The following PDZD2 variants were observed in gnomAD, a reference collection of about 807,000 sequenced individuals.
The protein encoded by PDZD2 is PDZ domain containing 2, also known as PDZ domain-containing protein 2.
In PDZD2, 90 loss-of-function variants were observed where a neutral mutation model predicts 220.7. That is an observed-to-expected ratio of 0.41 (90% CI 0.34 to 0.49). The LOEUF is 0.49. Ranked by LOEUF, PDZD2 falls within the 20% of genes least tolerant of loss-of-function variation. The pLI, the probability that PDZD2 is intolerant of heterozygous loss-of-function variation, is 0.28. For synonymous variants in PDZD2, 1,375 were observed against 1,450.5 expected (o/e 0.95, Z 1.18); for missense variants, 3,174 against 3,608.5 (o/e 0.88, Z 3.08).
At chr5:32,048,396 GGCTCTGT>G in intron 7 of PDZD2, 136 bp from the exon 8 acceptor site, 1 of 655,798 alleles carries the variant, frequency 1.5e-6, no homozygotes, top group East Asian at 2.7e-5. Flanking sequence ...GGATGGGCTA[GGCTCTGT>G]GCTTTGAGTG....
chr5:32,015,587 G>A (rs1338028435), intron 6 of PDZD2, among the ~76,000 whole-genome samples: 1 of 152,156 alleles, frequency 6.6e-6, no homozygotes, highest in Non-Finnish European at 1.5e-5. Flanking sequence ...AATCTGGCAT[G>A]TCGCTTAAAT....
chr5:31,745,331 G>A (rs921493099), intron 1 of PDZD2, among the ~76,000 whole-genome samples: 6 of 152,196 alleles, frequency 3.9e-5, no homozygotes, highest in African/African-American at 1.2e-4. Flanking sequence ...GTGTGGGTAC[G>A]TGTGTGTAGA....
intron 6 of PDZD2, among the ~76,000 whole-genome samples, chr5:32,021,960 C>T (rs1754231158): frequency 6.6e-6 from 1 of 152,108 alleles, no homozygotes; most frequent in South Asian, 2.1e-4. Context: ...TGCAGTAGTT[C>T]ATAACATGAC....
At chr5:31,929,588 G>A (rs944159645) in intron 2 of PDZD2, among the ~76,000 whole-genome samples, 1 of 152,204 alleles carries the variant, frequency 6.6e-6, no homozygotes, top group Admixed American at 6.5e-5. Flanking sequence ...AGTGGCTCAC[G>A]CCTGTAATCC....
At chr5:31,955,275 T>C (rs965268645) in intron 2 of PDZD2, among the ~76,000 whole-genome samples, 1 of 151,464 alleles carries the variant, frequency 6.6e-6, no homozygotes, top group African/African-American at 2.4e-5. Flanking sequence ...TTGGTTGGCC[T>C]CCATCTTTGG....
chr5:31,774,386 C>T (rs1752511985), intron 1 of PDZD2, among the ~76,000 whole-genome samples: 1 of 151,166 alleles, frequency 6.6e-6, no homozygotes, highest in Non-Finnish European at 1.5e-5. Flanking sequence ...AATACAGGTT[C>T]ACTGTAGAAA....
At chr5:31,708,319 T>C (rs533686260) in intron 1 of PDZD2, among the ~76,000 whole-genome samples, 1 of 152,248 alleles carries the variant, frequency 6.6e-6, no homozygotes, top group Non-Finnish European at 1.5e-5. Flanking sequence ...ACCCCTCATT[T>C]ACAGCATCTG....
At chr5:31,753,420 T>C (rs1413469202) in intron 1 of PDZD2, among the ~76,000 whole-genome samples, 2 of 152,168 alleles carry the variant, frequency 1.3e-5, no homozygotes, top group Non-Finnish European at 2.9e-5. Flanking sequence ...CTAGCCAACA[T>C]GGCAAAACCC....
intron 6 of PDZD2, among the ~76,000 whole-genome samples, chr5:32,028,387 A>G (rs1200549974): frequency 1.3e-5 from 2 of 152,202 alleles, no homozygotes; most frequent in Admixed American, 1.3e-4. Flanking sequence ...GAAATTTGCC[A>G]GAAACTAAAA....
intron 14 of PDZD2, among the ~76,000 whole-genome samples, chr5:32,063,644 T>C (rs1739906085): frequency 6.6e-6 from 1 of 152,236 alleles, no homozygotes; most frequent in Non-Finnish European, 1.5e-5. Context: ...TAAACATTTA[T>C]TGAGCTTCTA....
At chr5:31,759,860 G>A (rs1751528492) in intron 1 of PDZD2, among the ~76,000 whole-genome samples, 1 of 152,050 alleles carries the variant, frequency 6.6e-6, no homozygotes, top group African/African-American at 2.4e-5. Flanking sequence ...ACTCTTAATA[G>A]GGTGTGTTTG....
At chr5:31,798,429 C>G (rs1754172481) in intron 1 of PDZD2, among the ~76,000 whole-genome samples, 1 of 152,124 alleles carries the variant, frequency 6.6e-6, no homozygotes, top group African/African-American at 2.4e-5. Context: ...GTAGTGTTGT[C>G]AGAACAGATT....
chr5:31,799,706 T>C lies in PDZD2; in HGVS notation c.458T>C (p.Val153Ala). Residue 153 changes from valine to alanine, a missense_variant, in exon 2 of 25, where the codon GTT (valine) becomes GCT (alanine). This residue lies in a region of PDZD2 where 632 missense variants were observed against 708.1 expected (regional missense o/e 0.89). Coordinates refer to ENST00000438447, the MANE Select transcript of PDZD2 (RefSeq NM_178140.4). ...LSLNGQLMVG[V>A]DVSGASYLAE... ...CTGAATGGGCAGCTGATGGTTGGAG[T>C]TGATGTCAGTGGGGCCAGGTAAGTA... 1.9e-6 allele frequency: 3 copies of C among 1,612,634 alleles called. No individual in the cohort carries two copies. The highest frequency in any genetic ancestry group is 1.7e-5 in the Admixed American group (1 of 59,986).
chr5:31,949,783 C>T (rs1278913906), intron 2 of PDZD2, among the ~76,000 whole-genome samples: 1 of 151,322 alleles, frequency 6.6e-6, no homozygotes, highest in African/African-American at 2.4e-5. Context: ...AGCAATTATC[C>T]TGCCTCAGCC....
At chr5:31,696,390 C>G (rs1402699457) in intron 1 of PDZD2, among the ~76,000 whole-genome samples, 1 of 152,170 alleles carries the variant, frequency 6.6e-6, no homozygotes, top group Non-Finnish European at 1.5e-5. Context: ...GCCTCAGACT[C>G]CTGGCTCAAG....
chr5:32,034,182 T>C (rs6450888), intron 6 of PDZD2, among the ~76,000 whole-genome samples: 85,715 of 151,694 alleles, frequency 0.57, 24,697 homozygotes, highest in South Asian at 0.63. Flanking sequence ...TGGTTTTCCT[T>C]GCTCGGCATG....
intron 1 of PDZD2, among the ~76,000 whole-genome samples, chr5:31,669,562 G>C (rs890137837): frequency 6.6e-6 from 1 of 152,150 alleles, no homozygotes; most frequent in Non-Finnish European, 1.5e-5. Flanking sequence ...AGTGAAGCCT[G>C]CAAGGGGCCT....
Position 31,799,106 on chromosome 5 carries a change from T to G in PDZD2, c.-143T>G. The G allele has an allele frequency of 3.3e-6, 2 of 605,912 alleles. No homozygotes were observed. Among genetic ancestry groups the G allele is most frequent in the South Asian group, 4.1e-5 (2 of 48,808 alleles). 37.5% of individuals were successfully genotyped at this position (605,912 alleles called of 1,614,324 possible). A position where few individuals can be genotyped will look rare whatever the true frequency, so the allele number is the denominator to read the frequency against. ...GGCAAACAGCATAGTCTCGAGTAGG[T>G]GTCCCTAGGCTCATCTGCCAGCCTG... On this transcript the variant is annotated 5_prime_UTR_variant, in exon 2 of 25. Transcript: ENST00000438447.
At chr5:31,743,437 C>T (rs190821361) in intron 1 of PDZD2, among the ~76,000 whole-genome samples, 15 of 152,222 alleles carry the variant, frequency 9.9e-5, no homozygotes, top group African/African-American at 3.4e-4. Context: ...GGACTACAGA[C>T]GTGAGCCACT....
Sources: gnomAD v4.1 joint callset for allele counts (sites outside exome capture counted in the v4.1 genomes callset) on GRCh38, gnomAD v4.1.1 for gene constraint, gnomAD v4.1.1 regional missense constraint, MANE v1.5 for transcripts, NCBI Gene and HGNC (gene_info 2026-07-23, HGNC 2026-07-21) for gene names.